KCNIP4: variants seen among roughly 807,000 people sequenced by gnomAD.
The protein encoded by KCNIP4 is potassium voltage-gated channel interacting protein 4, also known as Kv channel-interacting protein 4.
Under a neutral mutation model 34.0 loss-of-function variants are expected in KCNIP4, and 12 were observed. The ratio of observed to expected loss-of-function variants is 0.35; its 90% CI spans 0.23 to 0.57. KCNIP4 has a LOEUF of 0.57. KCNIP4 is among the 20% of genes least tolerant of loss of function. The probability of loss-of-function intolerance (pLI) is 0.83; values close to 1 mark genes in which losing one functional copy is unlikely to be tolerated. For synonymous variants in KCNIP4, 124 were observed against 102.2 expected, an observed-to-expected ratio of 1.21 and a Z score of -1.29; for missense variants, 238 against 311.7, an observed-to-expected ratio of 0.76 and a Z score of 1.78.
At chr4:20,935,200 T>C (rs186780014) in intron 1 of KCNIP4, among the ~76,000 whole-genome samples, 4 of 152,326 alleles carry the variant, frequency 2.6e-5, no homozygotes, top group Admixed American at 2.6e-4. Flanking sequence ...ACATACATTT[T>C]TGAGATACAC....
At chr4:20,914,439 A>G (rs1728615516) in intron 1 of KCNIP4, among the ~76,000 whole-genome samples, 1 of 152,182 alleles carries the variant, frequency 6.6e-6, no homozygotes, top group African/African-American at 2.4e-5. Context: ...GTGAAAATGC[A>G]TCAAGAAAAT....
intron 1 of KCNIP4, among the ~76,000 whole-genome samples, chr4:21,899,415 T>C (rs1258948264): frequency 2.6e-5 from 4 of 152,024 alleles, no homozygotes; most frequent in Non-Finnish European, 5.9e-5. Context: ...TTATACAATA[T>C]AGTACTAGAA....
intron 1 of KCNIP4, among the ~76,000 whole-genome samples, chr4:21,718,143 G>C (rs1714530266): frequency 6.6e-6 from 1 of 152,104 alleles, no homozygotes; most frequent in African/African-American, 2.4e-5. Flanking sequence ...TTGCAGTAAT[G>C]ATTTTGAGCC....
intron 1 of KCNIP4, among the ~76,000 whole-genome samples, chr4:20,919,828 A>T (rs1403840155): frequency 6.6e-6 from 1 of 151,980 alleles, no homozygotes; most frequent in East Asian, 1.9e-4. Context: ...AAGCTTTATT[A>T]TTATCTCTGA....
intron 1 of KCNIP4, among the ~76,000 whole-genome samples, chr4:20,957,655 T>C (rs972275931): frequency 1.3e-5 from 2 of 152,150 alleles, no homozygotes; most frequent in Admixed American, 1.3e-4. Flanking sequence ...GACCTTCAGA[T>C]ATGGGATAAC....
chr4:21,653,273 C>T (rs1414811112), intron 1 of KCNIP4, among the ~76,000 whole-genome samples: 2 of 152,190 alleles, frequency 1.3e-5, no homozygotes, highest in Non-Finnish European at 2.9e-5. Context: ...ATTTCTACAG[C>T]TTACTTCTAC....
intron 1 of KCNIP4, among the ~76,000 whole-genome samples, chr4:21,387,531 G>A (rs55645349): frequency 0.49 from 74,209 of 151,974 alleles, 20,639 homozygotes; most frequent in Non-Finnish European, 0.62. Flanking sequence ...ACTTGTTAAA[G>A]GGAACAAGAA....
At chr4:20,881,144 G>C (rs1333442295) in intron 2 of KCNIP4, among the ~76,000 whole-genome samples, 1 of 152,076 alleles carries the variant, frequency 6.6e-6, no homozygotes, top group African/African-American at 2.4e-5. Context: ...ATAAATATTT[G>C]TTGAATGAAT....
At chr4:20,732,266 C>G (rs1039603596) in intron 7 of KCNIP4, among the ~76,000 whole-genome samples, 198 bp from the exon 8 acceptor site, 16 of 152,150 alleles carry the variant, frequency 1.1e-4, no homozygotes, top group Non-Finnish European at 1.3e-4. Flanking sequence ...TTTCCCTTTT[C>G]AATATAATGT....
chr4:21,067,845 G>C (rs1744545813), intron 1 of KCNIP4, among the ~76,000 whole-genome samples: 1 of 152,128 alleles, frequency 6.6e-6, no homozygotes, highest in Non-Finnish European at 1.5e-5. Context: ...GGTCTACTTT[G>C]AAGTTTCTCA....
chr4:21,823,909 G>A (rs1722521213), intron 1 of KCNIP4, among the ~76,000 whole-genome samples: 1 of 152,136 alleles, frequency 6.6e-6, no homozygotes. Context: ...CCATTAAGAG[G>A]TGGAATGCAT....
intron 1 of KCNIP4, among the ~76,000 whole-genome samples, chr4:21,687,619 A>G (rs1274162779): frequency 2.0e-5 from 3 of 152,152 alleles, no homozygotes; most frequent in Non-Finnish European, 4.4e-5. Flanking sequence ...TTTTATGGAG[A>G]AAACTACAAT....
chr4:21,109,146 A>G (rs1335461726), intron 1 of KCNIP4, among the ~76,000 whole-genome samples: 2 of 152,104 alleles, frequency 1.3e-5, no homozygotes, highest in Non-Finnish European at 2.9e-5. Flanking sequence ...AGACAGGGAC[A>G]TTTAAGTCTG....
chr4:21,652,582 T>C (rs764261801), intron 1 of KCNIP4, among the ~76,000 whole-genome samples: 1 of 152,156 alleles, frequency 6.6e-6, no homozygotes, highest in Non-Finnish European at 1.5e-5. Context: ...TGCTGATATA[T>C]AAGGAAAATA....
chr4:20,825,225 G>GTTTTT (rs71181592), intron 3 of KCNIP4, among the ~76,000 whole-genome samples: 81 of 113,612 alleles, frequency 7.1e-4, no homozygotes, highest in African/African-American at 1.6e-3. Context: ...TCAATTTTAC[G>GTTTTT]TTTTTTTTTT....
intron 1 of KCNIP4, among the ~76,000 whole-genome samples, chr4:21,176,078 C>G (rs1754387295): frequency 6.6e-6 from 1 of 152,164 alleles, no homozygotes; most frequent in African/African-American, 2.4e-5. Flanking sequence ...ATTTCTTTTA[C>G]ACTGGCCCAA....
chr4:20,802,082 AATTGCATATACAT>A (rs929883413), intron 3 of KCNIP4, among the ~76,000 whole-genome samples: 10 of 139,692 alleles, frequency 7.2e-5, no homozygotes, highest in Non-Finnish European at 9.2e-5. Flanking sequence ...AAGACTTAAA[AATTGCATATACAT>A]ATTGCATATA....
chr4:21,178,826 T>G (rs1026695840), intron 1 of KCNIP4, among the ~76,000 whole-genome samples: 10 of 150,614 alleles, frequency 6.6e-5, no homozygotes, highest in South Asian at 2.1e-4. Flanking sequence ...TTTTTTTTTT[T>G]TTTTTTTTGT....
intron 1 of KCNIP4, among the ~76,000 whole-genome samples, chr4:21,403,221 C>A (rs376739736): frequency 6.6e-6 from 1 of 152,226 alleles, no homozygotes; most frequent in South Asian, 2.1e-4. Flanking sequence ...GCTTAAATAA[C>A]TTTACATCCT....
Sources: gnomAD v4.1 joint callset for allele counts (sites outside exome capture counted in the v4.1 genomes callset) on GRCh38, gnomAD v4.1.1 for gene constraint, MANE v1.5 for transcripts, NCBI Gene and HGNC (gene_info 2026-07-23, HGNC 2026-07-21) for gene names.